Variants in ZFR2 observed in about 807,000 individuals in gnomAD.
The protein encoded by ZFR2 is zinc finger RNA-binding protein 2.
A neutral mutation model predicts 105.7 loss-of-function variants in ZFR2; 104 were observed. The observed-to-expected ratio is 0.98, with a 90% CI of 0.84 to 1.16. The LOEUF (loss-of-function observed/expected upper bound fraction) is 1.16, where lower values mean the gene tolerates loss of function less well. ZFR2 is among the 50% of genes most tolerant of loss of function. The pLI is 0.00. For missense variants in ZFR2, 1,425 were observed against 1,355.5 expected (o/e 1.05, Z -0.80); for synonymous variants, 634 against 597.7 (o/e 1.06, Z -0.89).
At chr19:3,849,440 GACA>G (rs1463143211) in intron 1 of ZFR2, among the ~76,000 whole-genome samples, 2 of 152,030 alleles carry the variant, frequency 1.3e-5, no homozygotes, top group African/African-American at 4.8e-5. Flanking sequence ...TGACATTTGG[GACA>G]ACATTGTTCT....
At chr19:3,819,423 G>T (rs1270551638) in intron 11 of ZFR2, among the ~76,000 whole-genome samples, 188 bp from the exon 12 acceptor site, 1 of 151,896 alleles carries the variant, frequency 6.6e-6, no homozygotes. Flanking sequence ...GGGCTGCCCC[G>T]ATGGCTGCAG....
intron 1 of ZFR2, among the ~76,000 whole-genome samples, chr19:3,868,302 C>T (rs1467853211): frequency 6.7e-6 from 1 of 149,262 alleles, no homozygotes; most frequent in African/African-American, 2.5e-5. Context: ...TACAAGTAAT[C>T]GGGGGTCAGC....
chr19:3,808,945 C>A lies in ZFR2; in HGVS notation c.2472G>T (p.Ala824=). Residue 824 remains alanine (A), a synonymous_variant, in exon 17 of 19, where the codon GCG becomes GCT. Transcript: ENST00000262961. ...ELLVEKAVSS[A]AGPLGPGDAV... ...CATCCCCGGGGCCCAGGGGCCCAGCCGCACTGCTCACAGCCTTCTCCACCA... is the reference window on the plus strand; with the variant it reads ...CATCCCCGGGGCCCAGGGGCCCAGCAGCACTGCTCACAGCCTTCTCCACCA... The A allele has an allele frequency of 6.4e-7, 1 of 1,571,894 alleles. No homozygotes were observed. The highest frequency in any genetic ancestry group is 8.6e-7 in the Non-Finnish European group (1 of 1,160,862).
In ZFR2 at chr19:3,808,954, C is replaced by G; in HGVS notation, c.2463G>C (p.Val821=). The G allele has an allele frequency of 6.4e-7, 1 of 1,569,772 alleles. No individual in the cohort carries two copies. Among genetic ancestry groups the G allele is most frequent in the Middle Eastern group, 1.7e-4 (1 of 5,990 alleles). ...GGCCCAGGGGCCCAGCCGCACTGCTCACAGCCTTCTCCACCAGCAGCTCCA... is the reference window on the plus strand; with the variant it reads ...GGCCCAGGGGCCCAGCCGCACTGCTGACAGCCTTCTCCACCAGCAGCTCCA... ...WAMELLVEKA[V]SSAAGPLGPG... The change falls in exon 17 of 19, where the codon GTG becomes GTC. Residue 821 remains valine (V), a synonymous_variant. Coordinates refer to ENST00000262961, the MANE Select transcript of ZFR2 (RefSeq NM_015174.2).
chr19:3,809,805 G>T (rs547179409), intron 16 of ZFR2, among the ~76,000 whole-genome samples: 1 of 152,174 alleles, frequency 6.6e-6, no homozygotes, highest in South Asian at 2.1e-4. Context: ...TTAGCCAGGC[G>T]TGGTGGTGCG....
intron 13 of ZFR2, among the ~76,000 whole-genome samples, chr19:3,816,033 G>A (rs1045350831): frequency 6.6e-6 from 1 of 151,716 alleles, no homozygotes; most frequent in Non-Finnish European, 1.5e-5. Flanking sequence ...GGGATTACAG[G>A]TGTGAGCCAC....
chr19:3,816,091 G>C (rs1430062698), intron 13 of ZFR2, among the ~76,000 whole-genome samples: 12 of 151,474 alleles, frequency 7.9e-5, no homozygotes, highest in Non-Finnish European at 1.6e-4. Flanking sequence ...TGCAGATACA[G>C]GTTCTCACTA....
chr19:3,831,914 C>T, intron 3 of ZFR2, 36 bp from the exon 4 acceptor site: 9 of 1,476,924 alleles, frequency 6.1e-6, no homozygotes, highest in Non-Finnish European at 8.1e-6. Context: ...CAGAGCCAAC[C>T]CCCACCCCAC....
intron 1 of ZFR2, chr19:3,856,876 A>G (rs1599255314): frequency 1.3e-5 from 2 of 150,466 alleles, no homozygotes; most frequent in African/African-American, 4.9e-5. Context: ...GAATATAGGC[A>G]CCTGCCACCA....
At chr19:3,845,319 T>TA (rs895094941) in intron 1 of ZFR2, among the ~76,000 whole-genome samples, 11 of 151,834 alleles carry the variant, frequency 7.2e-5, no homozygotes, top group African/African-American at 2.7e-4. Flanking sequence ...ATTTTTTTTT[T>TA]ATTACAGAAG....
In ZFR2 at chr19:3,808,195, CTGTG is replaced by C. The variant is rs1346058464; in HGVS notation, c.2545+673_2545+676del. On this transcript the variant is annotated intron_variant, in intron 17 of 18. Coordinates refer to ENST00000262961, the MANE Select transcript of ZFR2 (RefSeq NM_015174.2). ...TGCCTGTGCGTGTGCATGCACGTGC[CTGTG>C]TATGTGCGTGTGTGCCCGTGCGAGT... Among the ~76,000 whole-genome samples, 6 of 137,942 alleles carry C rather than the reference CTGTG, an allele frequency of 4.3e-5. No individual in the cohort carries two copies. In the South Asian group the frequency reaches 1.2e-3, roughly 27 times the overall value. The allele number at this position is 137,942 out of a possible 152,430, so 90.5% of individuals were successfully genotyped here.
At chr19:3,864,844 T>A (rs1020920704) in intron 1 of ZFR2, among the ~76,000 whole-genome samples, 3 of 151,824 alleles carry the variant, frequency 2.0e-5, no homozygotes, top group African/African-American at 7.3e-5. Flanking sequence ...ACCTCCCGGG[T>A]TCAAGCAATT....
At chr19:3,859,065 G>T (rs548441551) in intron 1 of ZFR2, among the ~76,000 whole-genome samples, 1 of 152,246 alleles carries the variant, frequency 6.6e-6, no homozygotes, top group East Asian at 1.9e-4. Flanking sequence ...ATTTGAGCCG[G>T]TGGACAGGGA....
At chr19:3,816,961 C>G (rs549261474) in intron 12 of ZFR2, 116 bp from the exon 13 acceptor site, 99 of 939,754 alleles carry the variant, frequency 1.1e-4, no homozygotes, top group Admixed American at 2.2e-4. Flanking sequence ...TGTGCCTCGG[C>G]ATCCTCATCC....
chr19:3,809,751 C>G (rs2037741501), intron 16 of ZFR2, among the ~76,000 whole-genome samples: 1 of 152,034 alleles, frequency 6.6e-6, no homozygotes, highest in Non-Finnish European at 1.5e-5. Flanking sequence ...CGAGACCATC[C>G]TGGCCAACAT....
intron 1 of ZFR2, among the ~76,000 whole-genome samples, chr19:3,868,644 A>AC (rs548174054): frequency 0.012 from 1,556 of 130,400 alleles, 25 homozygotes; most frequent in African/African-American, 0.042. Context: ...TCAGGGGCTG[A>AC]CCCCCCCGAC....
chr19:3,812,189 C>A (rs984876341), intron 14 of ZFR2, among the ~76,000 whole-genome samples: 1 of 152,156 alleles, frequency 6.6e-6, no homozygotes, highest in African/African-American at 2.4e-5. Context: ...GGTGATCCGC[C>A]GGCCTTGGCC....
chr19:3,814,102 G>T, intron 13 of ZFR2, 144 bp from the exon 14 acceptor site: 1 of 1,243,270 alleles, frequency 8.0e-7, no homozygotes, highest in Non-Finnish European at 1.1e-6. Context: ...TGTGCCCTGT[G>T]TCTGGAACCT....
rs8104113 is a variant in ZFR2, at chr19:3,823,515, C to A, written c.1214-112G>T. The stretch of plus-strand genomic sequence containing the variant: ...CCACCCAGACTGCAGGCTGTGCCAT[C>A]CCCCTCCCTCCTGTGATGTCAGGGG... On this transcript the variant is annotated intron_variant, in intron 7 of 18. Transcript: ENST00000262961. This position sits in a 1 kb window ranked among gnomAD's most constrained non-coding sequence, Gnocchi z 5.4. 2,334 of 1,084,776 alleles carry A rather than the reference C, an allele frequency of 2.2e-3. 38 individuals carry two copies. The African/African-American group carries it at 0.033, about 16-fold the overall frequency. The allele number at this position is 1,084,776 out of a possible 1,614,324, so 67.2% of individuals were successfully genotyped here. A position where few individuals can be genotyped will look rare whatever the true frequency, so the allele number is the denominator to read the frequency against.
Sources: gnomAD v4.1 joint callset for allele counts (sites outside exome capture counted in the v4.1 genomes callset) on GRCh38, gnomAD v4.1.1 for gene constraint, Gnocchi (gnomAD v3.1) non-coding constraint, MANE v1.5 for transcripts, NCBI Gene and HGNC (gene_info 2026-07-23, HGNC 2026-07-21) for gene names.